Variants in SORBS2 observed in about 807,000 individuals in gnomAD.
SORBS2 encodes sorbin and SH3 domain containing 2.
A neutral mutation model predicts 97.7 loss-of-function variants in SORBS2; 46 were observed. The ratio of observed to expected loss-of-function variants is 0.47; its 90% CI spans 0.37 to 0.60. The LOEUF is 0.60. Ranked by LOEUF, SORBS2 falls within the 20% of genes least tolerant of loss-of-function variation. The pLI is 0.00. For synonymous variants in SORBS2, 476 were observed against 473.4 expected, an observed-to-expected ratio of 1.01 and a Z score of -0.07; for missense variants, 1,316 against 1,282.3, an observed-to-expected ratio of 1.03 and a Z score of -0.40.
chr4:185,675,713 T>C (rs190221569), intron 4 of SORBS2, among the ~76,000 whole-genome samples: 1 of 152,336 alleles, frequency 6.6e-6, no homozygotes, highest in Admixed American at 6.5e-5. Flanking sequence ...TTAATATTTG[T>C]TAGCTCCTAT....
intron 2 of SORBS2, among the ~76,000 whole-genome samples, chr4:185,752,522 C>T (rs752799484): frequency 8.5e-5 from 13 of 152,262 alleles, no homozygotes; most frequent in Middle Eastern, 3.4e-3. Flanking sequence ...GTGATCTGCC[C>T]GCCTCGGCCT....
intron 2 of SORBS2, among the ~76,000 whole-genome samples, chr4:185,705,923 G>T (rs1036280413): frequency 6.6e-5 from 10 of 152,148 alleles, no homozygotes; most frequent in African/African-American, 2.2e-4. Context: ...TTGTCTTCCA[G>T]CATATGTCAC....
intron 1 of SORBS2, among the ~76,000 whole-genome samples, chr4:185,790,275 T>C (rs899242133): frequency 6.6e-6 from 1 of 152,208 alleles, no homozygotes; most frequent in Non-Finnish European, 1.5e-5. Flanking sequence ...TGAGAGTAGC[T>C]AGCATTGGGG....
At chr4:185,627,412 C>A (rs1354698426) in intron 5 of SORBS2, among the ~76,000 whole-genome samples, 1 of 152,138 alleles carries the variant, frequency 6.6e-6, no homozygotes, top group Admixed American at 6.5e-5. Flanking sequence ...GAGACAGAGT[C>A]TCACTATGTT....
chr4:185,635,460 G>A (rs1337230470), intron 4 of SORBS2, 49 bp from the exon 16 acceptor site: 2 of 1,364,704 alleles, frequency 1.5e-6, no homozygotes, highest in East Asian at 2.3e-5. Flanking sequence ...TGGAATGGAG[G>A]AGAGTCAATG....
At chr4:185,727,265 C>G (rs1359377209) in intron 2 of SORBS2, among the ~76,000 whole-genome samples, 2 of 152,168 alleles carry the variant, frequency 1.3e-5, no homozygotes, top group Non-Finnish European at 2.9e-5. Context: ...TAAGGATTGT[C>G]CACGTTTGTA....
At chr4:185,610,669 C>T (rs2096522269) in intron 12 of SORBS2, among the ~76,000 whole-genome samples, 1 of 152,074 alleles carries the variant, frequency 6.6e-6, no homozygotes, top group Admixed American at 6.5e-5. Context: ...GTTTAGGTCA[C>T]TGGGATGCTA....
chr4:185,790,343 T>C (rs1471309716), intron 1 of SORBS2, among the ~76,000 whole-genome samples: 3 of 152,222 alleles, frequency 2.0e-5, no homozygotes, highest in East Asian at 1.9e-4. Flanking sequence ...TAACCCATAC[T>C]GATTAGTGGC....
chr4:185,717,214 C>T (rs1404061370), intron 2 of SORBS2, among the ~76,000 whole-genome samples: 2 of 152,326 alleles, frequency 1.3e-5, no homozygotes, highest in Middle Eastern at 3.4e-3. Flanking sequence ...CGGGAGCGAC[C>T]TTCAGGGAGT....
chr4:185,741,434 C>T (rs1212887039), intron 2 of SORBS2, among the ~76,000 whole-genome samples: 3 of 113,026 alleles, frequency 2.7e-5, no homozygotes, highest in African/African-American at 3.5e-5. Flanking sequence ...GGGGGAGTCT[C>T]GCTCTGTCGC....
rs140488116 is a variant in SORBS2 at position 185,607,448 on chromosome 4, C to T, written c.2796+4332G>A. ...GCGATGGAGAAATGCAGAAAAGATGCGGTGGTGAATATGAAAATAATTTTA... is the reference window on the plus strand; with the variant it reads ...GCGATGGAGAAATGCAGAAAAGATGTGGTGGTGAATATGAAAATAATTTTA... On this transcript the variant is annotated intron_variant, in intron 12 of 14. Transcript: ENST00000418609. This position sits in a 1 kb window ranked among gnomAD's most constrained non-coding sequence, Gnocchi z 5.2. 2.3e-5 allele frequency: 12 copies of T among 514,576 alleles called. No individual in the cohort carries two copies. The highest frequency in any genetic ancestry group is 9.2e-5 in the East Asian group (1 of 10,892). The allele number at this position is 514,576 out of a possible 1,614,324, so 31.9% of individuals were successfully genotyped here.
chr4:185,949,363 C>T (rs972016872), intron 1 of SORBS2, among the ~76,000 whole-genome samples: 2 of 152,064 alleles, frequency 1.3e-5, no homozygotes, highest in Non-Finnish European at 2.9e-5. Context: ...GTGTCTACTC[C>T]GAAACAGATG....
intron 1 of SORBS2, among the ~76,000 whole-genome samples, chr4:185,868,147 C>CTTTCTTTCTTTTTTT (rs1288748201): frequency 0.011 from 1,028 of 89,428 alleles, 133 homozygotes; most frequent in East Asian, 0.029. Context: ...CTTTTCTTTT[C>CTTTCTTTCTTTTTTT]TTTTTTTCTT....
chr4:185,953,988 T>G (rs912740561), intron 1 of SORBS2, among the ~76,000 whole-genome samples: 3 of 152,234 alleles, frequency 2.0e-5, no homozygotes, highest in Admixed American at 2.0e-4. Flanking sequence ...TTTAATCCAT[T>G]CCTTAAGTTA....
intron 4 of SORBS2, among the ~76,000 whole-genome samples, chr4:185,664,870 TA>T (rs200630303): frequency 1.9e-4 from 28 of 150,450 alleles, no homozygotes; most frequent in East Asian, 3.9e-4. Context: ...AATATCAATT[TA>T]AAAAAAAAAT....
At chr4:185,947,582 A>G (rs1196869582) in intron 1 of SORBS2, among the ~76,000 whole-genome samples, 1 of 150,926 alleles carries the variant, frequency 6.6e-6, no homozygotes, top group Non-Finnish European at 1.5e-5. Context: ...CACCTACACA[A>G]TAGGGATTAC....
At chr4:185,627,072 G>T in intron 5 of SORBS2, 53 bp from the exon 18 acceptor site, 2 of 1,554,178 alleles carry the variant, frequency 1.3e-6, no homozygotes, top group Non-Finnish European at 1.8e-6. Context: ...GTTCGGGTGT[G>T]CACCAGAAAA....
rs544731248 is a variant in SORBS2 at position 185,746,492 on chromosome 4, T to G, written c.-198+28735A>C. On this transcript the variant is annotated intron_variant, in intron 2 of 20. Coordinates refer to the SORBS2 transcript ENST00000284776. ...CCACCATGCCTGGCTAATTTTTGTATTTTTAGTAGAGACAGAGTTTCACCA... is the reference window on the plus strand; with the variant it reads ...CCACCATGCCTGGCTAATTTTTGTAGTTTTAGTAGAGACAGAGTTTCACCA... Among the ~76,000 whole-genome samples, 301 of 152,224 alleles carry G rather than the reference T, an allele frequency of 2.0e-3. 1 individual carries two copies. The highest frequency in any genetic ancestry group is 6.8e-3 in the African/African-American group (283 of 41,536).
chr4:185,830,279 A>C (rs1489547059), intron 1 of SORBS2, among the ~76,000 whole-genome samples: 1 of 152,204 alleles, frequency 6.6e-6, no homozygotes. Flanking sequence ...CATAGTTTGG[A>C]GAATGAGCCA....
Sources: allele counts gnomAD v4.1 joint callset (sites outside exome capture counted in the v4.1 genomes callset), GRCh38; gene constraint gnomAD v4.1.1; non-coding constraint Gnocchi (gnomAD v3.1); transcripts MANE v1.5; gene names NCBI Gene and HGNC (gene_info 2026-07-23, HGNC 2026-07-21).